The following SATB2 variants were observed in gnomAD, a reference collection of about 807,000 sequenced individuals.
SATB2 encodes SATB homeobox 2.
Under a neutral mutation model 73.4 loss-of-function variants are expected in SATB2, and 1 was observed. That is an observed-to-expected ratio of 0.01 (90% CI 0.00 to 0.06). The LOEUF is 0.06. SATB2 is among the 10% of genes least tolerant of loss of function. The pLI, the probability that SATB2 is intolerant of heterozygous loss-of-function variation, is 1.00. For missense variants in SATB2, 459 were observed against 945.8 expected (o/e 0.49, Z 6.75); for synonymous variants, 397 against 367.0 (o/e 1.08, Z -0.93).
chr2:199,360,102 A>AG (rs1406634308), intron 6 of SATB2, among the ~76,000 whole-genome samples: 6 of 152,202 alleles, frequency 3.9e-5, no homozygotes, highest in African/African-American at 1.4e-4. Context: ...TAATCGTCTA[A>AG]GGAAAATTAG....
intron 9 of SATB2, among the ~76,000 whole-genome samples, chr2:199,318,020 C>T (rs1687782417): frequency 6.6e-6 from 1 of 151,960 alleles, no homozygotes; most frequent in Non-Finnish European, 1.5e-5. Context: ...GGAAACTGGT[C>T]CATGATAGGC....
At chr2:199,454,144 CT>C (rs1459364343) in intron 2 of SATB2, among the ~76,000 whole-genome samples, 2 of 152,088 alleles carry the variant, frequency 1.3e-5, no homozygotes, top group Non-Finnish European at 2.9e-5. Flanking sequence ...GAACAAGGCA[CT>C]TTCTTTCATA....
chr2:199,298,391 T>C (rs565662936), intron 10 of SATB2, among the ~76,000 whole-genome samples: 5 of 152,306 alleles, frequency 3.3e-5, no homozygotes, highest in South Asian at 2.1e-4. Flanking sequence ...GCAGAGATAA[T>C]GTTTCAGTCT....
chr2:199,379,780 G>T (rs540958340), intron 5 of SATB2, among the ~76,000 whole-genome samples: 1 of 148,520 alleles, frequency 6.7e-6, no homozygotes, highest in Non-Finnish European at 1.5e-5. Context: ...CTCTGGCCTC[G>T]GCCTCCCAAA....
chr2:199,407,910 TA>T (rs1014648002), intron 3 of SATB2, among the ~76,000 whole-genome samples: 1 of 152,112 alleles, frequency 6.6e-6, no homozygotes, highest in African/African-American at 2.4e-5. Flanking sequence ...GAACAAGTAA[TA>T]TTTTCACTCA....
At chr2:199,456,244 A>G (rs908421673) in intron 1 of SATB2, 148 bp from the exon 2 acceptor site, 8 of 649,154 alleles carry the variant, frequency 1.2e-5, no homozygotes, top group Non-Finnish European at 2.2e-5. Flanking sequence ...CCGAGCCGGG[A>G]AGCCGGTCCC....
chr2:199,459,272 C>T (rs1692403941), upstream of SATB2, among the ~76,000 whole-genome samples: 2 of 151,914 alleles, frequency 1.3e-5, no homozygotes, highest in South Asian at 2.1e-4. This position sits in a 1 kb window ranked among gnomAD's most constrained non-coding sequence, Gnocchi z 4.2. Flanking sequence ...GGAGCGTCCC[C>T]AGCAGGTCCC....
At chr2:199,409,037 T>A (rs1690725112) in intron 3 of SATB2, among the ~76,000 whole-genome samples, 1 of 152,168 alleles carries the variant, frequency 6.6e-6, no homozygotes. Context: ...ACTACTCAGC[T>A]ATGTTATTTT....
chr2:199,418,774 C>T lies in SATB2; in HGVS notation c.346+14564G>A, dbSNP rs1389115014. ...CAAGTCTTAGTTATATAGAATAATG[C>T]CCCCTGTGTGTGAGAATTCATCAGG... On this transcript the variant is annotated intron_variant, in intron 3 of 10. Transcript: ENST00000417098. Among the ~76,000 whole-genome samples the T allele has an allele frequency of 3.3e-5, 5 of 152,088 alleles. 1 individual carries two copies. Among genetic ancestry groups the T allele is most frequent in the Admixed American group, 2.6e-4 (4 of 15,262 alleles).
At chr2:199,300,701 G>C (rs1687263157) in intron 10 of SATB2, among the ~76,000 whole-genome samples, 1 of 152,070 alleles carries the variant, frequency 6.6e-6, no homozygotes, top group Non-Finnish European at 1.5e-5. Flanking sequence ...AAAACCAAGA[G>C]AGTAAGGTGC....
At chr2:199,322,818 A>G (rs1687925891) in intron 9 of SATB2, among the ~76,000 whole-genome samples, 1 of 152,170 alleles carries the variant, frequency 6.6e-6, no homozygotes, top group African/African-American at 2.4e-5. Context: ...TACAATACTC[A>G]GTCACTTCCT....
At chr2:199,291,697 G>T (rs1692866935) in intron 10 of SATB2, among the ~76,000 whole-genome samples, 1 of 152,082 alleles carries the variant, frequency 6.6e-6, no homozygotes, top group Non-Finnish European at 1.5e-5. Flanking sequence ...TGGATCACCT[G>T]AGGTCAGGAG....
intron 3 of SATB2, among the ~76,000 whole-genome samples, chr2:199,395,436 G>C (rs979245395): frequency 3.3e-5 from 5 of 152,056 alleles, no homozygotes; most frequent in African/African-American, 9.7e-5. Context: ...TTTTTGTTAA[G>C]TTAAAATGCC....
rs1692553076 is a variant in SATB2 at position 199,464,499 on chromosome 2, A to C, written c.-141+337T>G. Among the ~76,000 whole-genome samples the C allele has an allele frequency of 6.6e-6, 1 of 152,074 alleles. No individual in the cohort carries two copies. Among genetic ancestry groups the C allele is most frequent in the East Asian group, 1.9e-4 (1 of 5,164 alleles). On this transcript the variant is annotated intron_variant, in intron 1 of 11. Transcript: ENST00000260926. The surrounding 1 kb of genome is among the most constrained non-coding windows in gnomAD (Gnocchi z 6.6). ...TGAGACAGCGACCCAGAAAGGTGTA[A>C]ATTCACCTGGTGCCCACCCAATTGC...
At chr2:199,358,304 A>G (rs938324870) in intron 6 of SATB2, among the ~76,000 whole-genome samples, 2 of 152,152 alleles carry the variant, frequency 1.3e-5, no homozygotes, top group African/African-American at 4.8e-5. Flanking sequence ...ACAAAAAAAA[A>G]TTCTGTTAAT....
intron 3 of SATB2, among the ~76,000 whole-genome samples, chr2:199,407,197 A>G (rs1574598277): frequency 6.6e-6 from 1 of 151,408 alleles, no homozygotes; most frequent in East Asian, 2.0e-4. Context: ...GAGGTAGGAG[A>G]ATCACTTGAA....
chr2:199,310,812 T>C (rs1687574345), intron 9 of SATB2, among the ~76,000 whole-genome samples: 1 of 152,226 alleles, frequency 6.6e-6, no homozygotes, highest in South Asian at 2.1e-4. Flanking sequence ...AGACAGCACC[T>C]GCTGTTCTGC....
chr2:199,408,908 T>G (rs1484147758), intron 3 of SATB2, among the ~76,000 whole-genome samples: 1 of 152,128 alleles, frequency 6.6e-6, no homozygotes, highest in Non-Finnish European at 1.5e-5. Context: ...AGGGAAGTCA[T>G]GGAGGAGAGC....
At position 199,272,077 on chromosome 2, in the gene SATB2, G is replaced by T; in HGVS notation, c.*134C>A. The T allele has an allele frequency of 1.2e-6, 1 of 817,842 alleles. No individual in the cohort carries two copies. Among genetic ancestry groups the T allele is most frequent in the African/African-American group, 1.7e-5 (1 of 58,808 alleles). 50.7% of individuals were successfully genotyped at this position (817,842 alleles called of 1,614,324 possible). On this transcript the variant is annotated 3_prime_UTR_variant, in exon 11 of 11. Coordinates refer to ENST00000417098, the MANE Select transcript of SATB2 (RefSeq NM_001172509.2). The surrounding 1 kb of genome is among the most constrained non-coding windows in gnomAD (Gnocchi z 6.7). ...CCAAAAGGGTAAGAAAAACAAAACA[G>T]ACATAAAAAGACAAAAATAAAGCCA...
Sources: gnomAD v4.1 joint callset for allele counts (sites outside exome capture counted in the v4.1 genomes callset) on GRCh38, gnomAD v4.1.1 for gene constraint, Gnocchi (gnomAD v3.1) non-coding constraint, MANE v1.5 for transcripts, NCBI Gene and HGNC (gene_info 2026-07-23, HGNC 2026-07-21) for gene names.